The following PIEZO2 variants were observed in gnomAD, a reference collection of about 807,000 sequenced individuals.
The protein encoded by PIEZO2 is piezo type mechanosensitive ion channel component 2.
PIEZO2 carries 172 observed loss-of-function variants against 337.3 expected under a neutral mutation model. That is an observed-to-expected ratio of 0.51 (90% CI 0.45 to 0.58). The LOEUF (loss-of-function observed/expected upper bound fraction) is 0.58, where lower values mean the gene tolerates loss of function less well. Ranked by LOEUF, PIEZO2 falls within the 20% of genes least tolerant of loss-of-function variation. PIEZO2 has a pLI of 0.00. For missense variants in PIEZO2, 3,028 were observed against 3,391.3 expected, an observed-to-expected ratio of 0.89 and a Z score of 2.66; for synonymous variants, 1,251 against 1,228.5, an observed-to-expected ratio of 1.02 and a Z score of -0.38.
chr18:10,980,176 G>T lies in PIEZO2; in HGVS notation c.161-516C>A, dbSNP rs569066324. Among the ~76,000 whole-genome samples, 1 of 151,870 alleles carries T rather than the reference G, an allele frequency of 6.6e-6. No individual in the cohort carries two copies. Among genetic ancestry groups the T allele is most frequent in the Non-Finnish European group, 1.5e-5 (1 of 67,914 alleles). On this transcript the variant is annotated intron_variant, in intron 2 of 55. Coordinates refer to ENST00000674853, the MANE Select transcript of PIEZO2 (RefSeq NM_001378183.1). The surrounding 1 kb of genome is among the most constrained non-coding windows in gnomAD (Gnocchi z 4.8). ...TTAAATGTGTTAACCAACTGAAATA[G>T]CATAGAAAAAATATAATACATAGGT...
intron 49 of PIEZO2, among the ~76,000 whole-genome samples, chr18:10,685,819 C>G (rs1420373389): frequency 6.6e-6 from 1 of 152,164 alleles, no homozygotes; most frequent in African/African-American, 2.4e-5. Context: ...CCTTGTCTTC[C>G]CATGCTCTCA....
In PIEZO2 at chr18:10,671,718, T is replaced by C; in HGVS notation, c.8407A>G (p.Ser2803Gly). ...AACATGATGGAGTGAGAAATCCCAC[T>C]GAAGAATTCACGGACAAATTTCCCA... ...VIGKFVREFFSGISHSIMFEE... is the reference protein window; with the variant it reads ...VIGKFVREFFGGISHSIMFEE... The change falls in exon 56 of 56, where the codon AGT (serine) becomes GGT (glycine). Residue 2803 changes from serine (S) to glycine (G), a missense_variant. Physicochemically the swap from Ser to Gly is moderately conservative, Grantham distance 56. This residue lies in a region of PIEZO2 where 332 missense variants were observed against 363.8 expected (regional missense o/e 0.91). Coordinates refer to ENST00000674853, the MANE Select transcript of PIEZO2 (RefSeq NM_001378183.1). 6.2e-7 allele frequency: 1 copy of C among 1,613,886 alleles called. No individual in the cohort carries two copies. The highest frequency in any genetic ancestry group is 8.5e-7 in the Non-Finnish European group (1 of 1,179,932).
rs896420179 is a variant in PIEZO2 at position 10,819,909 on chromosome 18, C to T, written c.918-12635G>A. Among the ~76,000 whole-genome samples, 1 of 151,998 alleles carries T rather than the reference C, an allele frequency of 6.6e-6. No individual in the cohort carries two copies. Among genetic ancestry groups the T allele is most frequent in the Non-Finnish European group, 1.5e-5 (1 of 67,984 alleles). On this transcript the variant is annotated intron_variant, in intron 7 of 55. Transcript: ENST00000674853. This position sits in a 1 kb window ranked among gnomAD's most constrained non-coding sequence, Gnocchi z 4.3. The stretch of plus-strand genomic sequence containing the variant: ...GTATCTGATAATATCTTTATTTGAC[C>T]TTCATTTCTTCTACCTACATTCTCA...
chr18:10,962,589 T>C lies in PIEZO2; in HGVS notation c.286+16946A>G, dbSNP rs1449530005. On this transcript the variant is annotated intron_variant, in intron 3 of 55. Transcript: ENST00000674853. The surrounding 1 kb of genome is among the most constrained non-coding windows in gnomAD (Gnocchi z 4.1). ...ATTTCATGTTGCTCTAGACCAGGCA[T>C]TTTTGCCTCATTCAGCTGTGCTACA... 6.6e-6 allele frequency among the ~76,000 whole-genome samples: 1 copy of C among 152,198 alleles called. No individual in the cohort carries two copies. The highest frequency in any genetic ancestry group is 1.5e-5 in the Non-Finnish European group (1 of 68,040).
chr18:10,690,526 T>A (rs1167217885), intron 48 of PIEZO2, among the ~76,000 whole-genome samples: 2 of 152,152 alleles, frequency 1.3e-5, no homozygotes, highest in African/African-American at 4.8e-5. Flanking sequence ...GGAAGCAACA[T>A]CAGGCCCAGT....
At chr18:10,702,530 C>T (rs936567680) in intron 42 of PIEZO2, among the ~76,000 whole-genome samples, 16 of 152,280 alleles carry the variant, frequency 1.1e-4, no homozygotes, top group African/African-American at 3.9e-4. Context: ...TTTAGGGAAA[C>T]ATGAACAGAA....
intron 3 of PIEZO2, among the ~76,000 whole-genome samples, chr18:10,966,527 T>C (rs264202): frequency 0.52 from 78,394 of 152,106 alleles, 20,530 homozygotes; most frequent in African/African-American, 0.57. Flanking sequence ...ATAAGAGAAA[T>C]CCACATTTCT....
chr18:11,033,986 A>T lies in PIEZO2; in HGVS notation c.160+32141T>A, dbSNP rs955828673. ...TGATTTGAAACTGAAGGGGAAAAAAACCCTCAGATTTAAAAAAAAATTCGA... is the reference window on the plus strand; with the variant it reads ...TGATTTGAAACTGAAGGGGAAAAAATCCCTCAGATTTAAAAAAAAATTCGA... On this transcript the variant is annotated intron_variant, in intron 2 of 55. Transcript: ENST00000674853. This position sits in a 1 kb window ranked among gnomAD's most constrained non-coding sequence, Gnocchi z 4.2. 6.6e-6 allele frequency among the ~76,000 whole-genome samples: 1 copy of T among 152,104 alleles called. No individual in the cohort carries two copies. Among genetic ancestry groups the T allele is most frequent in the Non-Finnish European group, 1.5e-5 (1 of 68,020 alleles).
chr18:10,974,688 T>C (rs945634515), intron 3 of PIEZO2, among the ~76,000 whole-genome samples: 1 of 152,178 alleles, frequency 6.6e-6, no homozygotes, highest in African/African-American at 2.4e-5. Flanking sequence ...TGCAACTCAT[T>C]TGCCCTCTAG....
rs368457882 is a variant in PIEZO2, at chr18:11,043,698, A to AT, written c.160+22428dup. 1.7e-3 allele frequency among the ~76,000 whole-genome samples: 250 copies of AT among 148,290 alleles called. 1 individual carries two copies. The highest frequency in any genetic ancestry group is 3.6e-3 in the African/African-American group (145 of 40,640). ...CCCAAAATACACAGAGAGCTTACTG[A>AT]TTTTTTTTTTTCTTGAGACCGAGTC... On this transcript the variant is annotated intron_variant, in intron 2 of 55. Coordinates refer to ENST00000674853, the MANE Select transcript of PIEZO2 (RefSeq NM_001378183.1).
At chr18:11,066,066 G>T in intron 2 of PIEZO2, 61 bp downstream of exon 2, 5 of 1,362,102 alleles carry the variant, frequency 3.7e-6, no homozygotes, top group Non-Finnish European at 5.0e-6. Context: ...ATCCCAAGGA[G>T]CCCAGCAAAA....
rs1482869241 is a variant in PIEZO2 at position 11,033,469 on chromosome 18, T to A, written c.160+32658A>T. On this transcript the variant is annotated intron_variant, in intron 2 of 55. Transcript: ENST00000674853. This position sits in a 1 kb window ranked among gnomAD's most constrained non-coding sequence, Gnocchi z 4.2. ...ACTGTGATTAATGTCAAAGTTAGCA[T>A]AATGTTGATTTAGAGAAAGTGACAT... Among the ~76,000 whole-genome samples the A allele has an allele frequency of 6.6e-6, 1 of 152,234 alleles. No individual in the cohort carries two copies. The highest frequency in any genetic ancestry group is 2.4e-5 in the African/African-American group (1 of 41,462).
rs1214453797 is a variant in PIEZO2, at chr18:10,853,360, T to C, written c.917+1993A>G. 2.0e-5 allele frequency among the ~76,000 whole-genome samples: 3 copies of C among 152,232 alleles called. No homozygotes were observed. On this transcript the variant is annotated intron_variant, in intron 7 of 55. Transcript: ENST00000674853. This position sits in a 1 kb window ranked among gnomAD's most constrained non-coding sequence, Gnocchi z 4.2. ...AGCCCACTTCCAAGTGTACTTCACT[T>C]CCTTTCATTCCTGCTCTAAAGCTTT... is the stretch of plus-strand genomic sequence containing the variant.
At chr18:10,971,880 G>T (rs992465910) in intron 3 of PIEZO2, among the ~76,000 whole-genome samples, 1 of 152,038 alleles carries the variant, frequency 6.6e-6, no homozygotes, top group African/African-American at 2.4e-5. Context: ...TTTAATTCTG[G>T]CTCTGTTACT....
In PIEZO2 at chr18:10,759,756, T is replaced by G; in HGVS notation, c.3604A>C (p.Ile1202Leu). The change falls in exon 25 of 56, where the codon ATC becomes CTC. Residue 1202 changes from isoleucine (I) to leucine (L), a missense_variant. By Grantham distance (5) the Ile-to-Leu change is conservative. Around this residue, in one of 5 missense-constraint regions of PIEZO2, gnomAD observed 1,925 missense variants for 2,051.9 expected, o/e 0.94. Coordinates refer to ENST00000674853, the MANE Select transcript of PIEZO2 (RefSeq NM_001378183.1). This position sits in a 1 kb window ranked among gnomAD's most constrained non-coding sequence, Gnocchi z 5.5. Reference protein sequence around the residue: ...PKYCCFLACIITFQYFICIGI... With the variant: ...PKYCCFLACILTFQYFICIGI... Reference sequence around the variant, plus strand: ...ATGCAGATGAAATACTGGAAGGTGATGATGCATGCCAGGAAGCAGCAGTAC... The same window carrying G: ...ATGCAGATGAAATACTGGAAGGTGAGGATGCATGCCAGGAAGCAGCAGTAC... 6.5e-7 allele frequency: 1 copy of G among 1,537,290 alleles called. No homozygotes were observed. Among genetic ancestry groups the G allele is most frequent in the Non-Finnish European group, 8.7e-7 (1 of 1,146,910 alleles).
chr18:10,766,637 C>T lies in PIEZO2; in HGVS notation c.2946+3511G>A, dbSNP rs2038369673. On this transcript the variant is annotated intron_variant, in intron 21 of 55. Transcript: ENST00000674853. The surrounding 1 kb of genome is among the most constrained non-coding windows in gnomAD (Gnocchi z 6.1). ...TTACCCATCCCTGGCTTCCCTCTCCCAGAGAACCCCAGTTGCAACTATCAC... is the reference window on the plus strand; with the variant it reads ...TTACCCATCCCTGGCTTCCCTCTCCTAGAGAACCCCAGTTGCAACTATCAC... 6.6e-6 allele frequency among the ~76,000 whole-genome samples: 1 copy of T among 152,136 alleles called. No individual in the cohort carries two copies. Among genetic ancestry groups the T allele is most frequent in the Non-Finnish European group, 1.5e-5 (1 of 68,020 alleles).
At chr18:10,817,465 A>G (rs2040394823) in intron 7 of PIEZO2, among the ~76,000 whole-genome samples, 1 of 152,250 alleles carries the variant, frequency 6.6e-6, no homozygotes, top group Non-Finnish European at 1.5e-5. Flanking sequence ...GAAAAGGCAG[A>G]GTGTAAAAAA....
chr18:11,021,312 T>G lies in PIEZO2; in HGVS notation c.161-41652A>C, dbSNP rs537833061. ...TTCCATGGACCCAAAGTCAGTGTGG[T>G]GTTCTTACTTCCTGTTTTCTAGTCT... On this transcript the variant is annotated intron_variant, in intron 2 of 55. Coordinates refer to ENST00000674853, the MANE Select transcript of PIEZO2 (RefSeq NM_001378183.1). This position sits in a 1 kb window ranked among gnomAD's most constrained non-coding sequence, Gnocchi z 4.7. Among the ~76,000 whole-genome samples the G allele has an allele frequency of 3.9e-5, 6 of 152,304 alleles. No homozygotes were observed. In the South Asian group the frequency reaches 1.0e-3, roughly 26 times the overall value.
chr18:10,868,255 C>G lies in PIEZO2; in HGVS notation c.492+2998G>C, dbSNP rs149181630. Among the ~76,000 whole-genome samples, 224 of 152,358 alleles carry G rather than the reference C, an allele frequency of 1.5e-3. 2 individuals are homozygous for G. Among genetic ancestry groups the G allele is most frequent in the African/African-American group, 4.4e-3 (182 of 41,598 alleles). On this transcript the variant is annotated intron_variant, in intron 5 of 55. Coordinates refer to ENST00000674853, the MANE Select transcript of PIEZO2 (RefSeq NM_001378183.1). ...AAAGAAGAAATAATGCCAGCAAACA[C>G]TGTTCTTTCAGTATCCTTAAAAACC...
Sources: allele counts gnomAD v4.1 joint callset (sites outside exome capture counted in the v4.1 genomes callset), GRCh38; gene constraint gnomAD v4.1.1; regional missense constraint gnomAD v4.1.1; non-coding constraint Gnocchi (gnomAD v3.1); transcripts MANE v1.5; gene names NCBI Gene and HGNC (gene_info 2026-07-23, HGNC 2026-07-21).